The following PPP3CA variants were observed in gnomAD, a reference collection of about 807,000 sequenced individuals.
PPP3CA encodes protein phosphatase 3 catalytic subunit alpha.
Under a neutral mutation model 66.5 loss-of-function variants are expected in PPP3CA, and 14 were observed. The ratio of observed to expected loss-of-function variants is 0.21; its 90% CI spans 0.14 to 0.33. PPP3CA has a LOEUF of 0.33. Ranked by LOEUF, PPP3CA falls within the 10% of genes least tolerant of loss-of-function variation. The pLI is 1.00. For missense variants in PPP3CA, 317 were observed against 639.5 expected (o/e 0.50, Z 5.44); for synonymous variants, 232 against 226.2 (o/e 1.03, Z -0.23).
intron 1 of PPP3CA, among the ~76,000 whole-genome samples, chr4:101,245,883 T>A (rs3804407): frequency 6.6e-6 from 1 of 151,802 alleles, no homozygotes; most frequent in Admixed American, 6.6e-5. Context: ...GAAATTATAT[T>A]ATCATTCATC....
At chr4:101,198,143 G>A (rs1460476085) in intron 1 of PPP3CA, among the ~76,000 whole-genome samples, 1 of 152,084 alleles carries the variant, frequency 6.6e-6, no homozygotes, top group Admixed American at 6.6e-5. Flanking sequence ...AAACAAGGAG[G>A]GGAGAAAAAG....
chr4:101,333,452 T>C (rs1052453228), intron 1 of PPP3CA, among the ~76,000 whole-genome samples: 1 of 151,792 alleles, frequency 6.6e-6, no homozygotes, highest in African/African-American at 2.4e-5. Flanking sequence ...TCTCATATTA[T>C]CAAACTAATT....
chr4:101,175,581 T>C (rs1472821790), intron 2 of PPP3CA, among the ~76,000 whole-genome samples: 1 of 152,160 alleles, frequency 6.6e-6, no homozygotes, highest in Non-Finnish European at 1.5e-5. Context: ...AAGGAGCATC[T>C]AAGGAGTCCA....
intron 3 of PPP3CA, among the ~76,000 whole-genome samples, chr4:101,100,216 G>C (rs1730380659): frequency 6.6e-6 from 1 of 152,026 alleles, no homozygotes; most frequent in Non-Finnish European, 1.5e-5. Context: ...CAAGATGTTG[G>C]GAGAGAAGAA....
intron 1 of PPP3CA, among the ~76,000 whole-genome samples, chr4:101,247,061 C>A (rs766284698): frequency 4.6e-5 from 7 of 152,176 alleles, no homozygotes; most frequent in Admixed American, 1.3e-4. Context: ...CACACACAAA[C>A]TCACTGAGTA....
At chr4:101,114,661 G>A (rs1472188985) in intron 2 of PPP3CA, among the ~76,000 whole-genome samples, 1 of 151,866 alleles carries the variant, frequency 6.6e-6, no homozygotes, top group East Asian at 1.9e-4. Flanking sequence ...ACTAATTAAG[G>A]CCTAAGCAAA....
At position 101,109,017 on chromosome 4, in the gene PPP3CA, A is replaced by C; in HGVS notation, c.321T>G (p.Ser107=). 6.2e-7 allele frequency: 1 copy of C among 1,613,638 alleles called. No homozygotes were observed. Among genetic ancestry groups the C allele is most frequent in the Non-Finnish European group, 8.5e-7 (1 of 1,179,630 alleles). The change falls in exon 3 of 14, where the codon TCT becomes TCG. Residue 107 remains serine, a synonymous_variant. Transcript: ENST00000394854. ...DLMKLFEVGG[S]PANTRYLFLG... is the part of the protein sequence containing the mutation. ...AGAAGAGGTAGCGAGTGTTGGCAGG[A>C]GATCCCCCGACTTCAAAGAGCTTCA...
chr4:101,029,271 T>C, intron 12 of PPP3CA, 76 bp from the exon 13 acceptor site: 1 of 1,347,400 alleles, frequency 7.4e-7, no homozygotes, highest in Non-Finnish European at 1.0e-6. Flanking sequence ...AACAAATCAG[T>C]GACCATCAAA....
rs188421442 is a variant in PPP3CA, at chr4:101,246,621, C to T, written c.59-50505G>A. ...TTTCTTTATATAAACAAGAAAATAG[C>T]CTCCACATATTACTCTGAGTATAAA... On this transcript the variant is annotated intron_variant, in intron 1 of 13. Transcript: ENST00000394854. Among the ~76,000 whole-genome samples the T allele has an allele frequency of 8.5e-4, 130 of 152,176 alleles. 1 individual carries two copies. Among genetic ancestry groups the T allele is most frequent in the African/African-American group, 3.0e-3 (124 of 41,538 alleles).
chr4:101,060,626 G>A (rs1728421058), intron 10 of PPP3CA, among the ~76,000 whole-genome samples: 1 of 151,928 alleles, frequency 6.6e-6, no homozygotes, highest in African/African-American at 2.4e-5. Flanking sequence ...AAGAAATATT[G>A]GGATTGAAAT....
chr4:101,095,947 G>T (rs1361882595), intron 5 of PPP3CA, among the ~76,000 whole-genome samples: 5 of 152,114 alleles, frequency 3.3e-5, no homozygotes, highest in African/African-American at 9.7e-5. Context: ...ACCATGCTTG[G>T]CCCAGAAAGA....
intron 1 of PPP3CA, among the ~76,000 whole-genome samples, chr4:101,310,739 C>A (rs1230871952): frequency 1.3e-5 from 2 of 151,974 alleles, no homozygotes; most frequent in Non-Finnish European, 1.5e-5. Context: ...CTACTGAAAT[C>A]CAAAAAATTT....
At chr4:101,232,558 C>T (rs1026688872) in intron 1 of PPP3CA, among the ~76,000 whole-genome samples, 1 of 151,716 alleles carries the variant, frequency 6.6e-6, no homozygotes, top group African/African-American at 2.4e-5. Flanking sequence ...CCTTTAGTTC[C>T]TTCATACATG....
chr4:101,233,514 G>T (rs1218953323), intron 1 of PPP3CA, among the ~76,000 whole-genome samples: 1 of 151,668 alleles, frequency 6.6e-6, no homozygotes, highest in African/African-American at 2.4e-5. Flanking sequence ...CATTTTTAAA[G>T]GAAAATGTAA....
intron 1 of PPP3CA, among the ~76,000 whole-genome samples, chr4:101,284,167 A>C (rs1004319393): frequency 2.0e-5 from 3 of 152,074 alleles, no homozygotes; most frequent in Non-Finnish European, 4.4e-5. Context: ...GGTTTGTTTT[A>C]TGTGTCTTTG....
At chr4:101,303,343 T>C (rs1186677728) in intron 1 of PPP3CA, among the ~76,000 whole-genome samples, 1 of 152,218 alleles carries the variant, frequency 6.6e-6, no homozygotes, top group Non-Finnish European at 1.5e-5. Context: ...GAAATATCCT[T>C]ATTTTTTCTA....
At chr4:101,028,270 C>T (rs1208782194) in intron 13 of PPP3CA, among the ~76,000 whole-genome samples, 1 of 152,054 alleles carries the variant, frequency 6.6e-6, no homozygotes, top group Non-Finnish European at 1.5e-5. Context: ...TTTGAAATTT[C>T]CAAAGGATAT....
intron 1 of PPP3CA, among the ~76,000 whole-genome samples, chr4:101,243,996 A>G (rs1229401431): frequency 6.6e-6 from 1 of 152,192 alleles, no homozygotes; most frequent in Non-Finnish European, 1.5e-5. Flanking sequence ...TATCTTTTTT[A>G]CAGAACCACA....
At chr4:101,139,695 T>TG (rs1175770452) in intron 2 of PPP3CA, among the ~76,000 whole-genome samples, 12 of 120,792 alleles carry the variant, frequency 9.9e-5, no homozygotes, top group African/African-American at 3.2e-4. Context: ...GTTTTTTTTG[T>TG]GTTTTTTTTT....
Sources: gnomAD v4.1 joint callset for allele counts (sites outside exome capture counted in the v4.1 genomes callset) on GRCh38, gnomAD v4.1.1 for gene constraint, MANE v1.5 for transcripts, NCBI Gene and HGNC (gene_info 2026-07-23, HGNC 2026-07-21) for gene names.